The following SKAP2 variants were observed in gnomAD, a reference collection of about 807,000 sequenced individuals.
The protein encoded by SKAP2 is src kinase associated phosphoprotein 2.
In SKAP2, 28 loss-of-function variants were observed where a neutral mutation model predicts 54.9. That is an observed-to-expected ratio of 0.51 (90% confidence interval 0.38 to 0.70). SKAP2 has a LOEUF of 0.70. SKAP2 is among the 30% of genes least tolerant of loss of function. The probability of loss-of-function intolerance (pLI) is 0.00; values close to 1 mark genes in which losing one functional copy is unlikely to be tolerated. For missense variants in SKAP2, 356 were observed against 424.1 expected (o/e 0.84, Z 1.41); for synonymous variants, 137 against 134.3 (o/e 1.02, Z -0.14).
At chr7:26,710,995 A>G (rs968077237) in intron 9 of SKAP2, among the ~76,000 whole-genome samples, 2 of 152,202 alleles carry the variant, frequency 1.3e-5, no homozygotes, top group African/African-American at 4.8e-5. Context: ...CTATACTTAT[A>G]AAAATACTGT....
At chr7:26,751,542 G>A (rs1295870489) in intron 4 of SKAP2, among the ~76,000 whole-genome samples, 1 of 152,006 alleles carries the variant, frequency 6.6e-6, no homozygotes, top group Non-Finnish European at 1.5e-5. Flanking sequence ...TTTAAATCAA[G>A]AAGTCTTGGC....
chr7:26,659,855 A>G, the SKAP2 span, among the ~76,000 whole-genome samples: 2 of 152,118 alleles, frequency 1.3e-5, no homozygotes, highest in African/African-American at 2.4e-5. Flanking sequence ...CTTAATACAT[A>G]GCATTAGAAA....
rs956914820 is a variant in SKAP2 at position 26,741,548 on chromosome 7, A to T, written c.308-1584T>A. ...AGTGAGACCCTGTCTCTAAATAAAT[A>T]AATAAATAAATAAATAAATAAATAA... On this transcript the variant is annotated intron_variant, in intron 4 of 12. Coordinates refer to ENST00000345317, the MANE Select transcript of SKAP2 (RefSeq NM_003930.5). Among the ~76,000 whole-genome samples the T allele has an allele frequency of 1.6e-4, 14 of 85,308 alleles. No individual in the cohort carries two copies. The South Asian group carries it at 5.9e-3, about 36-fold the overall frequency. The allele number at this position is 85,308 out of a possible 152,430, so 56.0% of individuals were successfully genotyped here.
chr7:26,693,010 C>A (rs1738473983), intron 9 of SKAP2, among the ~76,000 whole-genome samples: 1 of 152,228 alleles, frequency 6.6e-6, no homozygotes, highest in African/African-American at 2.4e-5. Flanking sequence ...CGCATCAATA[C>A]AATAAGTATT....
chr7:26,674,250 T>C (rs1481701072), intron 11 of SKAP2, among the ~76,000 whole-genome samples: 2 of 152,088 alleles, frequency 1.3e-5, no homozygotes, highest in Non-Finnish European at 2.9e-5. Context: ...TCACAAAACA[T>C]AAAATACAGC....
the SKAP2 span, among the ~76,000 whole-genome samples, chr7:26,659,119 G>A: frequency 6.6e-6 from 1 of 152,074 alleles, no homozygotes; most frequent in African/African-American, 2.4e-5. Context: ...CTTTATTAAA[G>A]GAAATTATTG....
rs1369745208 is a variant in SKAP2 at position 26,669,555 on chromosome 7, T to G, written c.*111A>C. 6.6e-6 allele frequency: 1 copy of G among 152,122 alleles called. No individual in the cohort carries two copies. The highest frequency in any genetic ancestry group is 1.5e-5 in the Non-Finnish European group (1 of 68,016). 9.4% of individuals were successfully genotyped at this position (152,122 alleles called of 1,614,324 possible). A position where few individuals can be genotyped will look rare whatever the true frequency, so the allele number is the denominator to read the frequency against. Reference sequence around the variant, plus strand: ...GCATAAAATAACAGTCAAAGATAAGTAATGTTTAATAAAACAAGGAGAGGT... The same window carrying G: ...GCATAAAATAACAGTCAAAGATAAGGAATGTTTAATAAAACAAGGAGAGGT... On this transcript the variant is annotated 3_prime_UTR_variant, in exon 13 of 13. Coordinates refer to ENST00000345317, the MANE Select transcript of SKAP2 (RefSeq NM_003930.5).
At chr7:26,684,157 C>A (rs1416501329) in intron 11 of SKAP2, among the ~76,000 whole-genome samples, 1 of 152,010 alleles carries the variant, frequency 6.6e-6, no homozygotes, top group Non-Finnish European at 1.5e-5. Context: ...TACACACACA[C>A]ATATACATAT....
In SKAP2 at chr7:26,786,994, C is replaced by CA. The variant is rs559784366; in HGVS notation, c.308-47031dup. ...GAACACATTATATATCCACATGGGA[C>CA]AAAAAAATAAAGTTAAAGTAGAAAT... On this transcript the variant is annotated intron_variant, in intron 4 of 12. Transcript: ENST00000345317. Among the ~76,000 whole-genome samples the CA allele has an allele frequency of 2.4e-4, 37 of 152,062 alleles. 1 individual carries two copies. The South Asian group carries it at 7.3e-3, about 30-fold the overall frequency.
intron 9 of SKAP2, among the ~76,000 whole-genome samples, chr7:26,720,416 A>G (rs1345118048): frequency 6.6e-6 from 1 of 152,232 alleles, no homozygotes; most frequent in African/African-American, 2.4e-5. Flanking sequence ...TATTCAGCAA[A>G]GACACATTTA....
At chr7:26,693,053 T>C (rs995041649) in intron 9 of SKAP2, among the ~76,000 whole-genome samples, 4 of 152,250 alleles carry the variant, frequency 2.6e-5, no homozygotes, top group African/African-American at 7.2e-5. Flanking sequence ...CTGTGGGGGC[T>C]GGGCATGGTC....
intron 4 of SKAP2, among the ~76,000 whole-genome samples, chr7:26,797,646 T>A (rs924581309): frequency 1.3e-5 from 2 of 151,782 alleles, no homozygotes; most frequent in African/African-American, 2.4e-5. Context: ...ACCAACACCA[T>A]CCAGGAAAAC....
chr7:26,657,773 G>A, the SKAP2 span, among the ~76,000 whole-genome samples: 1 of 117,396 alleles, frequency 8.5e-6, no homozygotes, highest in African/African-American at 3.4e-5. Flanking sequence ...CACACACTTT[G>A]CCATTTTTGA....
Position 26,864,410 on chromosome 7 carries a change from G to A in SKAP2, c.20C>T (p.Thr7Ile), listed in dbSNP as rs1785332006. 1 of 1,611,330 alleles carries A rather than the reference G, an allele frequency of 6.2e-7. No homozygotes were observed. Among genetic ancestry groups the A allele is most frequent in the Non-Finnish European group, 8.5e-7 (1 of 1,178,618 alleles). ...CTCAGGGAGGGGGTAGGGAGAGGAG[G>A]TGCTGCTGGGGTTGGGCATGTTAGG... MPNPSSTSSPYPLPEEI... is the reference protein window; with the variant it reads MPNPSSISSPYPLPEEI... The change falls in exon 1 of 13, where the codon ACC becomes ATC. Residue 7 changes from threonine (T) to isoleucine (I), a missense_variant. By Grantham distance (89) the Thr-to-Ile change is moderately conservative (BLOSUM62 -1). Coordinates refer to ENST00000345317, the MANE Select transcript of SKAP2 (RefSeq NM_003930.5).
At chr7:26,763,610 G>A (rs570115809) in intron 4 of SKAP2, among the ~76,000 whole-genome samples, 2 of 152,094 alleles carry the variant, frequency 1.3e-5, no homozygotes, top group Non-Finnish European at 2.9e-5. Flanking sequence ...TCATTCACTA[G>A]TTTTAACATC....
intron 9 of SKAP2, among the ~76,000 whole-genome samples, chr7:26,711,889 G>A (rs1481142625): frequency 1.3e-5 from 2 of 152,292 alleles, no homozygotes; most frequent in African/African-American, 2.4e-5. Flanking sequence ...AATGATCCAG[G>A]TGAGAAATTA....
chr7:26,844,493 TAAC>T (rs3069887), intron 3 of SKAP2, among the ~76,000 whole-genome samples: 3 of 151,396 alleles, frequency 2.0e-5, no homozygotes, highest in Admixed American at 6.6e-5. Flanking sequence ...AAGATAACAG[TAAC>T]AACAACAACA....
chr7:26,727,765 G>T (rs1787738977), intron 6 of SKAP2, among the ~76,000 whole-genome samples: 2 of 152,040 alleles, frequency 1.3e-5, no homozygotes, highest in African/African-American at 4.8e-5. Context: ...TATAACAAAG[G>T]ACTTAATATT....
intron 4 of SKAP2, among the ~76,000 whole-genome samples, chr7:26,843,776 T>C (rs772458185): frequency 1.3e-4 from 20 of 152,098 alleles, no homozygotes; most frequent in Non-Finnish European, 2.5e-4. Flanking sequence ...CTGTTACTAA[T>C]AATATTCATA....
Sources: allele counts gnomAD v4.1 joint callset (sites outside exome capture counted in the v4.1 genomes callset), GRCh38; gene constraint gnomAD v4.1.1; transcripts MANE v1.5; gene names NCBI Gene and HGNC (gene_info 2026-07-23, HGNC 2026-07-21).